Variants in HEMK2 observed in about 807,000 individuals in gnomAD.
HEMK2 encodes HemK methyltransferase 2, ETF1 glutamine and histone H4 lysine, also known as methyltransferase HEMK2.
At chr21:28,840,202 T>C in the HEMK2 span, among the ~76,000 whole-genome samples, 1 of 152,168 alleles carries the variant, frequency 6.6e-6, no homozygotes, top group Non-Finnish European at 1.5e-5. Context: ...TCTCACCTTA[T>C]GCAAAATCAA....
the HEMK2 span, among the ~76,000 whole-genome samples, chr21:28,762,159 G>C: frequency 2.0e-5 from 3 of 152,086 alleles, no homozygotes; most frequent in African/African-American, 7.2e-5. Context: ...GAGGAATGCT[G>C]CCTGGGTGTT....
At chr21:28,800,562 T>C in the HEMK2 span, among the ~76,000 whole-genome samples, 1 of 152,156 alleles carries the variant, frequency 6.6e-6, no homozygotes, top group East Asian at 1.9e-4. Flanking sequence ...GTATGTTTTA[T>C]GTGTATAGAT....
chr21:28,705,801 A>G, the HEMK2 span, among the ~76,000 whole-genome samples: 84,493 of 151,868 alleles, frequency 0.56, 26,163 homozygotes, highest in East Asian at 0.84. Context: ...GCTTCCAGAG[A>G]CTTTCCACAT....
chr21:28,653,416 C>G, the HEMK2 span, among the ~76,000 whole-genome samples: 1 of 152,162 alleles, frequency 6.6e-6, no homozygotes, highest in Non-Finnish European at 1.5e-5. Context: ...TCCAACTAAA[C>G]TGGTCCAGCT....
chr21:28,603,549 A>ATGTGTGTGTG, the HEMK2 span, among the ~76,000 whole-genome samples: 14,262 of 135,470 alleles, frequency 0.11, 822 homozygotes, highest in East Asian at 0.15. Context: ...GAGGATATAT[A>ATGTGTGTGTG]TGTGTGTGTG....
At chr21:28,661,669 C>T in the HEMK2 span, among the ~76,000 whole-genome samples, 1 of 152,038 alleles carries the variant, frequency 6.6e-6, no homozygotes, top group Non-Finnish European at 1.5e-5. Context: ...TTCCCCTCCA[C>T]CTTAAGAACT....
At chr21:28,751,308 C>CAGA in the HEMK2 span, among the ~76,000 whole-genome samples, 1 of 151,404 alleles carries the variant, frequency 6.6e-6, no homozygotes, top group African/African-American at 2.4e-5. Context: ...CTACCTAATA[C>CAGA]TTCTAAGGGG....
chr21:28,595,918 G>C, the HEMK2 span, among the ~76,000 whole-genome samples: 1 of 151,532 alleles, frequency 6.6e-6, no homozygotes. Context: ...CCAAGTAGCT[G>C]GGACTACAGG....
the HEMK2 span, among the ~76,000 whole-genome samples, chr21:28,764,902 A>T: frequency 1.1e-4 from 17 of 152,030 alleles, no homozygotes; most frequent in African/African-American, 3.9e-4. Context: ...CTGTCAAGAC[A>T]TACTATAAAT....
At chr21:28,688,589 A>G in the HEMK2 span, among the ~76,000 whole-genome samples, 1 of 151,976 alleles carries the variant, frequency 6.6e-6, no homozygotes, top group Non-Finnish European at 1.5e-5. Flanking sequence ...CTAGGTTCTC[A>G]ATAAATGTTG....
At chr21:28,867,881 CATAAAA>C in the HEMK2 span, among the ~76,000 whole-genome samples, 1 of 152,168 alleles carries the variant, frequency 6.6e-6, no homozygotes, top group South Asian at 2.1e-4. Flanking sequence ...ATTCCATTGT[CATAAAA>C]ATATTCTCCT....
the HEMK2 span, among the ~76,000 whole-genome samples, chr21:28,836,192 A>T: frequency 6.6e-6 from 1 of 152,206 alleles, no homozygotes; most frequent in Admixed American, 6.5e-5. Flanking sequence ...TCATCAGCTT[A>T]TCCAAAGTTA....
the HEMK2 span, among the ~76,000 whole-genome samples, chr21:28,647,753 C>A: frequency 6.6e-6 from 1 of 152,154 alleles, no homozygotes; most frequent in East Asian, 1.9e-4. Flanking sequence ...CACACACATA[C>A]CCCATTCTGA....
At chr21:28,732,627 T>G in the HEMK2 span, among the ~76,000 whole-genome samples, 1 of 152,094 alleles carries the variant, frequency 6.6e-6, no homozygotes, top group Non-Finnish European at 1.5e-5. Flanking sequence ...GATGTAAGCA[T>G]GAAAGGGACT....
the HEMK2 span, among the ~76,000 whole-genome samples, chr21:28,737,101 G>T: frequency 6.6e-6 from 1 of 151,830 alleles, no homozygotes; most frequent in Admixed American, 6.6e-5. Flanking sequence ...AGTGAAGTTT[G>T]TTGGTTGGTT....
the HEMK2 span, among the ~76,000 whole-genome samples, chr21:28,764,498 C>T: frequency 6.6e-6 from 1 of 152,134 alleles, no homozygotes; most frequent in East Asian, 1.9e-4. Context: ...ACAATGAAAC[C>T]TGTTTTACTT....
the HEMK2 span, among the ~76,000 whole-genome samples, chr21:28,623,105 A>T: frequency 6.6e-6 from 1 of 152,152 alleles, no homozygotes; most frequent in Non-Finnish European, 1.5e-5. Flanking sequence ...GGCCTTGTAG[A>T]TCCTTCAGAA....
the HEMK2 span, among the ~76,000 whole-genome samples, chr21:28,606,596 T>C: frequency 6.6e-6 from 1 of 152,248 alleles, no homozygotes; most frequent in African/African-American, 2.4e-5. Flanking sequence ...GCTGATGATG[T>C]CCTAAATGGA....
At chr21:28,677,083 C>A in the HEMK2 span, among the ~76,000 whole-genome samples, 1 of 152,038 alleles carries the variant, frequency 6.6e-6, no homozygotes, top group Non-Finnish European at 1.5e-5. Context: ...CAAGTGTGAG[C>A]TGAAGCAGGG....
Sources: gnomAD v4.1 joint callset for allele counts (sites outside exome capture counted in the v4.1 genomes callset) on GRCh38, gnomAD v4.1.1 for gene constraint, MANE v1.5 for transcripts, NCBI Gene and HGNC (gene_info 2026-07-23, HGNC 2026-07-21) for gene names.